Variants in SGCZ observed in about 807,000 individuals in gnomAD.
SGCZ encodes sarcoglycan zeta.
In SGCZ, 40 loss-of-function variants were observed where a neutral mutation model predicts 41.3. The ratio of observed to expected loss-of-function variants is 0.97; its 90% CI spans 0.75 to 1.26. SGCZ has a LOEUF of 1.26. Ranked by LOEUF, SGCZ falls within the 50% of genes most tolerant of loss-of-function variation. SGCZ has a pLI of 0.00. For synonymous variants in SGCZ, 206 were observed against 137.5 expected (o/e 1.50, Z -3.49); for missense variants, 552 against 369.8 (o/e 1.49, Z -4.04).
chr8:14,818,007 A>T (rs1249837871), intron 1 of SGCZ, among the ~76,000 whole-genome samples: 1 of 152,118 alleles, frequency 6.6e-6, no homozygotes, highest in Non-Finnish European at 1.5e-5. Flanking sequence ...TACTTATCCC[A>T]ATAGTCTGTA....
intron 4 of SGCZ, among the ~76,000 whole-genome samples, chr8:14,228,213 T>C (rs1245533503): frequency 6.6e-6 from 1 of 152,080 alleles, no homozygotes; most frequent in Admixed American, 6.6e-5. Flanking sequence ...AAGACAATTA[T>C]ATATGGAACT....
At chr8:14,757,457 T>G (rs1188984715) in intron 1 of SGCZ, among the ~76,000 whole-genome samples, 1 of 152,196 alleles carries the variant, frequency 6.6e-6, no homozygotes, top group Non-Finnish European at 1.5e-5. Context: ...ATAGAACCAC[T>G]ACCGATGCCT....
intron 1 of SGCZ, among the ~76,000 whole-genome samples, chr8:15,050,096 C>A (rs762808847): frequency 5.3e-5 from 8 of 152,134 alleles, no homozygotes; most frequent in Non-Finnish European, 8.8e-5. Flanking sequence ...CACACAGACA[C>A]ACATGCACAC....
intron 1 of SGCZ, among the ~76,000 whole-genome samples, chr8:14,769,312 T>C (rs1174394033): frequency 6.6e-6 from 1 of 152,216 alleles, no homozygotes; most frequent in Admixed American, 6.5e-5. Flanking sequence ...AAACCCTTTC[T>C]GCAAATAAAC....
intron 1 of SGCZ, among the ~76,000 whole-genome samples, chr8:15,204,722 C>T (rs940884659): frequency 1.3e-5 from 2 of 152,156 alleles, no homozygotes; most frequent in Non-Finnish European, 2.9e-5. Context: ...TTCATAAACA[C>T]CCCACATAAT....
chr8:14,596,859 AT>A (rs1347551931), intron 1 of SGCZ, among the ~76,000 whole-genome samples: 1 of 152,032 alleles, frequency 6.6e-6, no homozygotes, highest in Non-Finnish European at 1.5e-5. Flanking sequence ...AAGAAACAGA[AT>A]TTTTTTAAGA....
rs142724938 is a variant in SGCZ at position 14,778,265 on chromosome 8, G to A, written c.40-223339C>T. ...TTAACACAGGCTTTTGGGGCCTTCA[G>A]GAGTACAGAATTAAGGTGAAAAACT... On this transcript the variant is annotated intron_variant, in intron 1 of 7. Coordinates refer to ENST00000382080, the MANE Select transcript of SGCZ (RefSeq NM_139167.4). Among the ~76,000 whole-genome samples, 725 of 152,196 alleles carry A rather than the reference G, an allele frequency of 4.8e-3. 6 individuals carry two copies. Among genetic ancestry groups the A allele is most frequent in the Middle Eastern group, 6.8e-3 (2 of 294 alleles).
At chr8:14,725,935 T>G (rs986428270) in intron 1 of SGCZ, among the ~76,000 whole-genome samples, 7 of 152,084 alleles carry the variant, frequency 4.6e-5, no homozygotes, top group Non-Finnish European at 8.8e-5. Context: ...ATATAAAAAT[T>G]TGCTTTTTTT....
chr8:15,054,763 G>C (rs2130999439), intron 1 of SGCZ, among the ~76,000 whole-genome samples: 1 of 151,518 alleles, frequency 6.6e-6, no homozygotes, highest in African/African-American at 2.4e-5. Context: ...GACCATCCTG[G>C]CTAACACGGT....
In SGCZ at chr8:14,159,886, T is replaced by C. The variant is rs184681381; in HGVS notation, c.547+4694A>G. ...ATAAAAACAAACCAGAAGATATTGATTGGAACCCAGAAGCATGGTGTTTAA... is the reference window on the plus strand; with the variant it reads ...ATAAAAACAAACCAGAAGATATTGACTGGAACCCAGAAGCATGGTGTTTAA... On this transcript the variant is annotated intron_variant, in intron 5 of 7. Coordinates refer to ENST00000382080, the MANE Select transcript of SGCZ (RefSeq NM_139167.4). Among the ~76,000 whole-genome samples the C allele has an allele frequency of 9.9e-5, 15 of 152,232 alleles. No individual in the cohort carries two copies. The East Asian group carries it at 2.5e-3, about 26-fold the overall frequency.
chr8:14,248,367 A>G (rs1799177902), intron 3 of SGCZ, among the ~76,000 whole-genome samples: 1 of 152,196 alleles, frequency 6.6e-6, no homozygotes, highest in South Asian at 2.1e-4. Context: ...GACGATGCTA[A>G]TGATGATAAT....
At chr8:15,118,334 C>A (rs1807347184) in intron 1 of SGCZ, among the ~76,000 whole-genome samples, 1 of 152,086 alleles carries the variant, frequency 6.6e-6, no homozygotes, top group African/African-American at 2.4e-5. Context: ...CTTGGAACTT[C>A]CAGCTAGTCC....
At chr8:14,741,650 C>T (rs1337560849) in intron 1 of SGCZ, among the ~76,000 whole-genome samples, 1 of 151,862 alleles carries the variant, frequency 6.6e-6, no homozygotes, top group African/African-American at 2.4e-5. Flanking sequence ...AATTGGTTGG[C>T]AATAAACCAT....
chr8:14,341,810 T>G (rs1321959723), intron 2 of SGCZ, among the ~76,000 whole-genome samples: 1 of 152,192 alleles, frequency 6.6e-6, no homozygotes, highest in Non-Finnish European at 1.5e-5. Flanking sequence ...GCCACCACCA[T>G]GTAAGAAGTG....
At chr8:14,795,420 A>G (rs867059402) in intron 1 of SGCZ, among the ~76,000 whole-genome samples, 14 of 129,344 alleles carry the variant, frequency 1.1e-4, no homozygotes, top group Non-Finnish European at 2.2e-4. Context: ...ATATATTCAT[A>G]CTTTGGGGTT....
At chr8:14,309,607 G>T in intron 3 of SGCZ, 3 of 1,610,792 alleles carry the variant, frequency 1.9e-6, no homozygotes, top group Non-Finnish European at 1.7e-6. Flanking sequence ...ATAGTGACTG[G>T]TTATCAGTCC....
At chr8:15,098,650 G>T (rs1287163367) in intron 1 of SGCZ, among the ~76,000 whole-genome samples, 2 of 152,102 alleles carry the variant, frequency 1.3e-5, no homozygotes, top group African/African-American at 2.4e-5. Flanking sequence ...TGAAATACCT[G>T]TTCTGCCTTT....
chr8:14,749,478 T>C (rs895118496), intron 1 of SGCZ, among the ~76,000 whole-genome samples: 2 of 152,192 alleles, frequency 1.3e-5, no homozygotes, highest in African/African-American at 4.8e-5. Flanking sequence ...ATATAATAAA[T>C]CTAGGATTCC....
rs143749165 is a variant in SGCZ at position 14,096,465 on chromosome 8, G to A, written c.745-5828C>T. ...TCCCAGGGATGAAGCCAACTTGATC[G>A]TGGTGGATAAGCTTTTTGTTGTGCT... On this transcript the variant is annotated intron_variant, in intron 7 of 7. Transcript: ENST00000382080. Among the ~76,000 whole-genome samples, 412 of 152,252 alleles carry A rather than the reference G, an allele frequency of 2.7e-3. 4 individuals carry two copies. The East Asian group carries it at 0.031, about 12-fold the overall frequency.
Sources: allele counts gnomAD v4.1 joint callset (sites outside exome capture counted in the v4.1 genomes callset), GRCh38; gene constraint gnomAD v4.1.1; transcripts MANE v1.5; gene names NCBI Gene and HGNC (gene_info 2026-07-23, HGNC 2026-07-21).